GRIK2: variants seen among roughly 807,000 people sequenced by gnomAD.
GRIK2 encodes glutamate ionotropic receptor kainate type subunit 2.
GRIK2 carries 32 observed loss-of-function variants against 100.3 expected under a neutral mutation model. The ratio of observed to expected loss-of-function variants is 0.32; its 90% CI spans 0.24 to 0.43. The LOEUF (loss-of-function observed/expected upper bound fraction) is 0.43, where lower values mean the gene tolerates loss of function less well. GRIK2 is among the 20% of genes least tolerant of loss of function. The pLI is 1.00. For missense variants in GRIK2, 843 were observed against 1,114.9 expected, an observed-to-expected ratio of 0.76 and a Z score of 3.47; for synonymous variants, 417 against 389.4, an observed-to-expected ratio of 1.07 and a Z score of -0.83.
intron 7 of GRIK2, among the ~76,000 whole-genome samples, chr6:101,790,244 T>C (rs1348414677): frequency 6.6e-6 from 1 of 151,746 alleles, no homozygotes; most frequent in African/African-American, 2.4e-5. Flanking sequence ...CAACACTATA[T>C]TGAATAGGAG....
At chr6:101,563,781 C>T (rs1378440324) in intron 2 of GRIK2, among the ~76,000 whole-genome samples, 1 of 151,344 alleles carries the variant, frequency 6.6e-6, no homozygotes, top group African/African-American at 2.5e-5. Context: ...ATTATCTAAA[C>T]ACTCTTCCTG....
At chr6:101,787,779 T>G (rs755950695) in intron 7 of GRIK2, among the ~76,000 whole-genome samples, 4 of 152,154 alleles carry the variant, frequency 2.6e-5, no homozygotes, top group Admixed American at 1.3e-4. Flanking sequence ...TATTCTGCAG[T>G]TGTTGGATGA....
At chr6:101,813,750 GGTCA>G (rs759689535) in intron 9 of GRIK2, among the ~76,000 whole-genome samples, 41 of 152,046 alleles carry the variant, frequency 2.7e-4, no homozygotes, top group Non-Finnish European at 3.7e-4. Context: ...GATCACCTGA[GGTCA>G]GGAGTTCAAG....
chr6:101,829,809 G>A (rs1456270189), intron 10 of GRIK2, among the ~76,000 whole-genome samples: 1 of 151,982 alleles, frequency 6.6e-6, no homozygotes, highest in Non-Finnish European at 1.5e-5. Flanking sequence ...TCATGCTCAT[G>A]AGTTGGATGA....
intron 9 of GRIK2, among the ~76,000 whole-genome samples, chr6:101,803,877 G>T (rs1414604507): frequency 6.6e-6 from 1 of 151,798 alleles, no homozygotes; most frequent in Non-Finnish European, 1.5e-5. Context: ...TACATATGAT[G>T]ATCTATCACA....
chr6:101,788,517 T>A (rs1445715599), intron 7 of GRIK2, among the ~76,000 whole-genome samples: 1 of 152,214 alleles, frequency 6.6e-6, no homozygotes, highest in Non-Finnish European at 1.5e-5. Context: ...ATTTCATCCA[T>A]GTCCCTACAA....
intron 9 of GRIK2, among the ~76,000 whole-genome samples, chr6:101,806,970 A>G (rs1417064439): frequency 2.0e-5 from 3 of 151,702 alleles, no homozygotes; most frequent in South Asian, 2.1e-4. Flanking sequence ...TTCCACTACT[A>G]TATATTAAGG....
At chr6:101,770,638 C>T (rs1778341646) in intron 7 of GRIK2, among the ~76,000 whole-genome samples, 1 of 152,118 alleles carries the variant, frequency 6.6e-6, no homozygotes, top group African/African-American at 2.4e-5. Flanking sequence ...GCTAAAAGGG[C>T]ATTGTAGAGT....
chr6:101,846,388 T>C lies in GRIK2; in HGVS notation c.1318-12899T>C, dbSNP rs1468004972. Among the ~76,000 whole-genome samples the C allele has an allele frequency of 3.9e-5, 6 of 152,122 alleles. No homozygotes were observed. In the South Asian group the frequency reaches 1.2e-3, roughly 31 times the overall value. Reference sequence around the variant, plus strand: ...TCATTTACATGTAGATTTTTAGTTGTCCCAATGCCCTTTGTTCAAGAGATG... The same window carrying C: ...TCATTTACATGTAGATTTTTAGTTGCCCCAATGCCCTTTGTTCAAGAGATG... On this transcript the variant is annotated intron_variant, in intron 10 of 16. Coordinates refer to ENST00000369134, the MANE Select transcript of GRIK2 (RefSeq NM_021956.5).
intron 11 of GRIK2, among the ~76,000 whole-genome samples, chr6:101,877,533 C>T (rs1434207013): frequency 3.3e-5 from 5 of 151,794 alleles, no homozygotes; most frequent in African/African-American, 1.2e-4. Flanking sequence ...TCGACAGGGG[C>T]CCTGAAACCC....
intron 9 of GRIK2, among the ~76,000 whole-genome samples, chr6:101,803,406 A>G (rs1412740474): frequency 6.6e-6 from 1 of 151,812 alleles, no homozygotes; most frequent in Non-Finnish European, 1.5e-5. Context: ...ATTATGACCA[A>G]CTGATGACTC....
At chr6:101,559,142 G>C (rs573227157) in intron 2 of GRIK2, among the ~76,000 whole-genome samples, 55 of 151,898 alleles carry the variant, frequency 3.6e-4, no homozygotes, top group African/African-American at 1.3e-3. Flanking sequence ...TCACATTTTT[G>C]TCAGAATTAG....
chr6:101,409,449 T>C (rs1411213758), intron 2 of GRIK2, among the ~76,000 whole-genome samples: 1 of 152,102 alleles, frequency 6.6e-6, no homozygotes, highest in Non-Finnish European at 1.5e-5. Context: ...TGTATATACA[T>C]AATATGTCTA....
chr6:101,591,216 A>T (rs922808934), intron 2 of GRIK2, among the ~76,000 whole-genome samples: 2 of 151,506 alleles, frequency 1.3e-5, no homozygotes, highest in African/African-American at 2.4e-5. Flanking sequence ...ATTTTTCCGC[A>T]TAAGTCTACA....
At chr6:101,456,266 A>G (rs1263471392) in intron 2 of GRIK2, among the ~76,000 whole-genome samples, 1 of 152,112 alleles carries the variant, frequency 6.6e-6, no homozygotes, top group African/African-American at 2.4e-5. Flanking sequence ...CCTAGGACCC[A>G]GAAATTAGGT....
chr6:101,952,936 C>T (rs1227305642), intron 14 of GRIK2, among the ~76,000 whole-genome samples: 4 of 152,230 alleles, frequency 2.6e-5, no homozygotes, highest in South Asian at 2.1e-4. Context: ...AACAATCATT[C>T]CCCATTTACT....
At chr6:101,919,116 T>C (rs1435906161) in intron 12 of GRIK2, among the ~76,000 whole-genome samples, 1 of 151,756 alleles carries the variant, frequency 6.6e-6, no homozygotes, top group African/African-American at 2.4e-5. Flanking sequence ...ATATTGAGCC[T>C]TGAAATTCAG....
At chr6:101,979,651 A>T (rs974288461) in intron 14 of GRIK2, among the ~76,000 whole-genome samples, 2 of 151,918 alleles carry the variant, frequency 1.3e-5, no homozygotes, top group East Asian at 3.9e-4. Flanking sequence ...CAAGAGCTCT[A>T]ACTTGGTAGG....
At chr6:101,454,105 G>T in intron 2 of GRIK2, among the ~76,000 whole-genome samples, 1 of 151,966 alleles carries the variant, frequency 6.6e-6, no homozygotes, top group African/African-American at 2.4e-5. Context: ...GAAGAAGGCC[G>T]ATTTTCCTGT....
Sources: gnomAD v4.1 joint callset for allele counts (sites outside exome capture counted in the v4.1 genomes callset) on GRCh38, gnomAD v4.1.1 for gene constraint, MANE v1.5 for transcripts, NCBI Gene and HGNC (gene_info 2026-07-23, HGNC 2026-07-21) for gene names.